The following NOS1AP variants were observed in gnomAD, a reference collection of about 807,000 sequenced individuals.
NOS1AP encodes the protein carboxyl-terminal PDZ ligand of neuronal nitric oxide synthase protein.
Under a neutral mutation model 56.2 loss-of-function variants are expected in NOS1AP, and 21 were observed. The observed-to-expected ratio is 0.37, with a 90% CI of 0.26 to 0.54. NOS1AP has a LOEUF of 0.54. NOS1AP is among the 20% of genes least tolerant of loss of function. The pLI is 0.84. For missense variants in NOS1AP, 522 were observed against 657.8 expected, an observed-to-expected ratio of 0.79 and a Z score of 2.26; for synonymous variants, 270 against 274.6, an observed-to-expected ratio of 0.98 and a Z score of 0.17.
intron 2 of NOS1AP, among the ~76,000 whole-genome samples, chr1:162,201,737 A>G (rs1651997998): frequency 6.6e-6 from 1 of 152,170 alleles, no homozygotes; most frequent in African/African-American, 2.4e-5. Flanking sequence ...TTTGTCCTGC[A>G]TGTATGTGTT....
chr1:162,183,183 T>C (rs1651319613), intron 2 of NOS1AP, among the ~76,000 whole-genome samples: 1 of 152,236 alleles, frequency 6.6e-6, no homozygotes, highest in South Asian at 2.1e-4. Flanking sequence ...AACATCTCCA[T>C]CAGAGATCTT....
intron 4 of NOS1AP, among the ~76,000 whole-genome samples, chr1:162,308,176 A>G (rs1262954940): frequency 6.6e-6 from 1 of 152,258 alleles, no homozygotes; most frequent in Non-Finnish European, 1.5e-5. Flanking sequence ...TTAGACATTA[A>G]TGTAGAAGAT....
rs188574135 is a variant in NOS1AP at position 162,137,043 on chromosome 1, G to A, written c.106-17362G>A. ...CTTGGTACTTGATCTCTGAATTTCC[G>A]TTCTACCCTCAGTCCTCTTGGGCCT... On this transcript the variant is annotated intron_variant, in intron 1 of 9. Coordinates refer to ENST00000361897, the MANE Select transcript of NOS1AP (RefSeq NM_014697.3). Among the ~76,000 whole-genome samples the A allele has an allele frequency of 8.5e-5, 13 of 152,224 alleles. No homozygotes were observed. The East Asian group carries it at 1.9e-3, about 23-fold the overall frequency.
intron 1 of NOS1AP, among the ~76,000 whole-genome samples, chr1:162,107,730 C>T (rs1242980029): frequency 6.6e-6 from 1 of 152,126 alleles, no homozygotes; most frequent in Non-Finnish European, 1.5e-5. Context: ...GCATAACCCA[C>T]AGAGAGGAAC....
At chr1:162,244,732 A>G (rs1217674172) in intron 2 of NOS1AP, among the ~76,000 whole-genome samples, 1 of 152,140 alleles carries the variant, frequency 6.6e-6, no homozygotes, top group African/African-American at 2.4e-5. Context: ...GCCTCTACCC[A>G]TTGGGTGCCA....
intron 2 of NOS1AP, among the ~76,000 whole-genome samples, chr1:162,243,649 A>G (rs1653568848): frequency 6.6e-6 from 1 of 152,192 alleles, no homozygotes; most frequent in Admixed American, 6.5e-5. Flanking sequence ...AGAAATATCT[A>G]CAGGCAGCTC....
intron 1 of NOS1AP, among the ~76,000 whole-genome samples, chr1:162,140,213 C>T (rs533241699): frequency 2.0e-5 from 3 of 152,328 alleles, no homozygotes; most frequent in Admixed American, 6.5e-5. Context: ...TCATCCACAA[C>T]TACTTTCTTT....
At chr1:162,298,367 T>C (rs923670724) in intron 3 of NOS1AP, among the ~76,000 whole-genome samples, 4 of 152,236 alleles carry the variant, frequency 2.6e-5, no homozygotes, top group Non-Finnish European at 4.4e-5. Context: ...TGACTATGCA[T>C]GTTGTCAGCG....
chr1:162,314,723 G>GA (rs1267676909), intron 4 of NOS1AP, among the ~76,000 whole-genome samples: 1 of 152,040 alleles, frequency 6.6e-6, no homozygotes, highest in East Asian at 1.9e-4. Context: ...TTCTCCATAG[G>GA]AAAAAAATCA....
At chr1:162,115,147 C>T (rs1647890287) in intron 1 of NOS1AP, among the ~76,000 whole-genome samples, 1 of 152,154 alleles carries the variant, frequency 6.6e-6, no homozygotes, top group African/African-American at 2.4e-5. Context: ...AGACAGGATC[C>T]CTCCTCTTTT....
intron 1 of NOS1AP, among the ~76,000 whole-genome samples, chr1:162,079,476 C>T (rs942090051): frequency 1.3e-5 from 2 of 152,000 alleles, no homozygotes. Flanking sequence ...GGTAGCATAG[C>T]ATGGCATGAA....
chr1:162,266,361 A>G (rs1654423181), intron 2 of NOS1AP, among the ~76,000 whole-genome samples: 1 of 152,174 alleles, frequency 6.6e-6, no homozygotes, highest in African/African-American at 2.4e-5. Flanking sequence ...GCAGAATAGA[A>G]TGTTACCAAG....
At chr1:162,257,736 C>T (rs773624983) in intron 2 of NOS1AP, among the ~76,000 whole-genome samples, 4 of 151,908 alleles carry the variant, frequency 2.6e-5, no homozygotes, top group African/African-American at 4.8e-5. Context: ...TAGTGGTAGT[C>T]GAGGGAAGAG....
chr1:162,177,396 CGCATGGCCCTTTCAG>C (rs1557820989), intron 2 of NOS1AP, among the ~76,000 whole-genome samples: 4 of 152,106 alleles, frequency 2.6e-5, no homozygotes, highest in Non-Finnish European at 5.9e-5. Context: ...GGCCGGCCCA[CGCATGGCCCTTTCAG>C]ATCTTTGGGG....
intron 2 of NOS1AP, among the ~76,000 whole-genome samples, chr1:162,185,889 T>C (rs549978844): frequency 6.6e-6 from 1 of 152,312 alleles, no homozygotes; most frequent in African/African-American, 2.4e-5. Flanking sequence ...TAATTCTGAA[T>C]CCTTGTCACA....
intron 2 of NOS1AP, among the ~76,000 whole-genome samples, chr1:162,202,574 ATTAAGT>A (rs1263288358): frequency 6.6e-6 from 1 of 152,180 alleles, no homozygotes; most frequent in Non-Finnish European, 1.5e-5. Flanking sequence ...AATGTGGGCC[ATTAAGT>A]TTATGTCATA....
intron 2 of NOS1AP, among the ~76,000 whole-genome samples, chr1:162,232,909 A>G (rs575161816): frequency 6.6e-6 from 1 of 152,274 alleles, no homozygotes; most frequent in Non-Finnish European, 1.5e-5. Flanking sequence ...CCCATTTCAT[A>G]TACAGGAAAC....
rs571438902 is a variant in NOS1AP at position 162,203,354 on chromosome 1, T to C, written c.177+48878T>C. ...GATGTGATGTGGATTTTCATCCAGA[T>C]TCCACTACTGGTCTGTGCTCTAATT... On this transcript the variant is annotated intron_variant, in intron 2 of 9. Transcript: ENST00000361897. Among the ~76,000 whole-genome samples the C allele has an allele frequency of 2.6e-5, 4 of 152,330 alleles. No individual in the cohort carries two copies. In the South Asian group the frequency reaches 6.2e-4, roughly 24 times the overall value.
At chr1:162,179,331 G>A (rs1458225230) in intron 2 of NOS1AP, among the ~76,000 whole-genome samples, 1 of 152,184 alleles carries the variant, frequency 6.6e-6, no homozygotes, top group Non-Finnish European at 1.5e-5. Context: ...CCTGCCCTGA[G>A]TTACACAGCT....
Sources: allele counts gnomAD v4.1 joint callset (sites outside exome capture counted in the v4.1 genomes callset), GRCh38; gene constraint gnomAD v4.1.1; transcripts MANE v1.5; gene names NCBI Gene and HGNC (gene_info 2026-07-23, HGNC 2026-07-21).